HIVEP1: variants seen among roughly 807,000 people sequenced by gnomAD.
HIVEP1 encodes HIVEP zinc finger 1.
Under a neutral mutation model 180.0 loss-of-function variants are expected in HIVEP1, and 36 were observed. The ratio of observed to expected loss-of-function variants is 0.20; its 90% confidence interval spans 0.15 to 0.26. The LOEUF (loss-of-function observed/expected upper bound fraction) is 0.26, where lower values mean the gene tolerates loss of function less well. HIVEP1 is among the 10% of genes least tolerant of loss of function. The pLI, the probability that HIVEP1 is intolerant of heterozygous loss-of-function variation, is 1.00. For synonymous variants in HIVEP1, 1,239 were observed against 1,239.0 expected (o/e 1.00, Z 0.00); for missense variants, 3,143 against 3,268.7 (o/e 0.96, Z 0.94).
intron 2 of HIVEP1, among the ~76,000 whole-genome samples, chr6:12,017,547 TC>T (rs1043338743): frequency 1.3e-5 from 2 of 152,232 alleles, no homozygotes; most frequent in East Asian, 1.9e-4. Context: ...AACTGCTGCC[TC>T]CGGCAGCCTG....
the HIVEP1 span, among the ~76,000 whole-genome samples, chr6:12,201,959 CA>C: frequency 6.6e-6 from 1 of 151,946 alleles, no homozygotes; most frequent in African/African-American, 2.4e-5. Context: ...GGAAAAAATC[CA>C]AATGCATCCC....
intron 2 of HIVEP1, among the ~76,000 whole-genome samples, chr6:12,032,345 T>G (rs1465370487): frequency 6.6e-6 from 1 of 152,028 alleles, no homozygotes; most frequent in Non-Finnish European, 1.5e-5. Flanking sequence ...GGTTTCACTG[T>G]GTTAGCCAGG....
chr6:12,015,710 C>G (rs1306231758), intron 2 of HIVEP1, 42 bp downstream of exon 2: 5 of 1,565,772 alleles, frequency 3.2e-6, no homozygotes, highest in Non-Finnish European at 4.4e-6. Context: ...TGCTGTAAAT[C>G]TTTTAACAAA....
At chr6:12,183,974 A>AAGATAGATAGATAGATAGAT in the HIVEP1 span, among the ~76,000 whole-genome samples, 40 of 134,856 alleles carry the variant, frequency 3.0e-4, no homozygotes, top group South Asian at 1.0e-3. Flanking sequence ...TCACATTGTA[A>AAGATAGATAGATAGATAGAT]AGATAGATAG....
chr6:12,074,924 A>T (rs1772251443), intron 2 of HIVEP1, among the ~76,000 whole-genome samples: 1 of 152,216 alleles, frequency 6.6e-6, no homozygotes, highest in Non-Finnish European at 1.5e-5. Flanking sequence ...ATGTGGTAAT[A>T]TGTTAACAGT....
chr6:12,050,254 C>A (rs1298347594), intron 2 of HIVEP1, among the ~76,000 whole-genome samples: 1 of 152,170 alleles, frequency 6.6e-6, no homozygotes, highest in Non-Finnish European at 1.5e-5. Context: ...CTGTGAATAA[C>A]GAGAGTTCAT....
intron 2 of HIVEP1, among the ~76,000 whole-genome samples, chr6:12,032,422 G>T (rs190826201): frequency 2.6e-5 from 4 of 152,040 alleles, no homozygotes; most frequent in Non-Finnish European, 5.9e-5. Context: ...GATTACAGGC[G>T]TGAGCCACCG....
chr6:12,151,773 A>C (rs577263299), intron 7 of HIVEP1, among the ~76,000 whole-genome samples: 1 of 152,240 alleles, frequency 6.6e-6, no homozygotes. Context: ...AAGCAGCCAC[A>C]GACAGTATAT....
In HIVEP1 at chr6:12,121,568, A is replaced by G. The variant is rs753163381; in HGVS notation, c.1773A>G (p.Gln591=). 9.3e-6 allele frequency: 15 copies of G among 1,614,156 alleles called. 1 individual carries two copies. In the Admixed American group the frequency reaches 2.3e-4, roughly 25 times the overall value. The change falls in exon 4 of 9, where the codon CAA becomes CAG. Residue 591 remains glutamine, a synonymous_variant. Coordinates refer to ENST00000379388, the MANE Select transcript of HIVEP1 (RefSeq NM_002114.4). This position sits in a 1 kb window ranked among gnomAD's most constrained non-coding sequence, Gnocchi z 5.3. The part of the protein sequence containing the change: ...MDPKPELSSA[Q]KQKDLQVTNV... Reference sequence around the variant, plus strand: ...CCAAGCCTGAACTTTCTAGTGCACAAAAGCAGAAGGACCTTCAGGTGACAA... The same window carrying G: ...CCAAGCCTGAACTTTCTAGTGCACAGAAGCAGAAGGACCTTCAGGTGACAA...
chr6:12,114,351 C>T (rs1775091048), intron 3 of HIVEP1, among the ~76,000 whole-genome samples: 1 of 152,206 alleles, frequency 6.6e-6, no homozygotes, highest in Non-Finnish European at 1.5e-5. Context: ...CTATTGGCCA[C>T]ATCTTCCTTT....
rs146015197 is a variant in HIVEP1 at position 12,035,790 on chromosome 6, A to G, written c.40+20122A>G. ...AAAATCAATATATAGAAAGTAGGAA[A>G]TATAGAAAAACATTGAGATTTCATT... is the stretch of plus-strand genomic sequence containing the variant. On this transcript the variant is annotated intron_variant, in intron 2 of 8. Transcript: ENST00000379388. Among the ~76,000 whole-genome samples the G allele has an allele frequency of 3.2e-3, 490 of 152,346 alleles. 12 individuals are homozygous for G. Among genetic ancestry groups the G allele is most frequent in the Admixed American group, 0.028 (436 of 15,302 alleles).
chr6:12,135,669 C>A, intron 6 of HIVEP1, 122 bp from the exon 7 acceptor site: 1 of 629,168 alleles, frequency 1.6e-6, no homozygotes, highest in Non-Finnish European at 2.9e-6. Context: ...ACATTTTAGT[C>A]ATTGGAGTTG....
chr6:12,190,417 C>T, the HIVEP1 span, among the ~76,000 whole-genome samples: 1 of 152,196 alleles, frequency 6.6e-6, no homozygotes, highest in South Asian at 2.1e-4. Context: ...GTTCCTCCCA[C>T]CTCCTCTCAC....
At chr6:12,011,976 T>TC (rs1183767514), upstream of HIVEP1, 6 of 101,868 alleles carry the variant, frequency 5.9e-5, no homozygotes, top group Non-Finnish European at 8.0e-5. Flanking sequence ...TCGCCCTGCC[T>TC]CCCCCGCGCC....
intron 3 of HIVEP1, among the ~76,000 whole-genome samples, chr6:12,107,363 T>A (rs1257019305): frequency 1.3e-5 from 2 of 152,232 alleles, no homozygotes; most frequent in African/African-American, 2.4e-5. Flanking sequence ...ATCATCTGAG[T>A]CTTTATCCAG....
At chr6:12,171,281 G>T in the HIVEP1 span, among the ~76,000 whole-genome samples, 1 of 152,116 alleles carries the variant, frequency 6.6e-6, no homozygotes, top group Non-Finnish European at 1.5e-5. Context: ...TTGAACTCCT[G>T]ACCGCAAGCA....
chr6:12,194,605 C>T, the HIVEP1 span, among the ~76,000 whole-genome samples: 1 of 152,082 alleles, frequency 6.6e-6, no homozygotes, highest in South Asian at 2.1e-4. Context: ...AGTTTGAGAC[C>T]AGCCTGGCCA....
chr6:12,153,141 A>G lies in HIVEP1; in HGVS notation c.6488-8298A>G, dbSNP rs142589038. On this transcript the variant is annotated intron_variant, in intron 7 of 8. Transcript: ENST00000379388. ...ATTCTCCTTGGGAACTACATTTTAT[A>G]TATTCTGTTACTTGTAATCAAATAA... 2.1e-4 allele frequency among the ~76,000 whole-genome samples: 32 copies of G among 152,334 alleles called. No individual in the cohort carries two copies. In the East Asian group the frequency reaches 5.6e-3, roughly 27 times the overall value.
At chr6:12,100,989 G>C (rs969712333) in intron 3 of HIVEP1, among the ~76,000 whole-genome samples, 1 of 152,194 alleles carries the variant, frequency 6.6e-6, no homozygotes. Context: ...TTTCTCATCA[G>C]TGTCAGTTAT....
Sources: allele counts gnomAD v4.1 joint callset (sites outside exome capture counted in the v4.1 genomes callset), GRCh38; gene constraint gnomAD v4.1.1; non-coding constraint Gnocchi (gnomAD v3.1); transcripts MANE v1.5; gene names NCBI Gene and HGNC (gene_info 2026-07-23, HGNC 2026-07-21).